The following DICER1 variants were observed in gnomAD, a reference collection of about 807,000 sequenced individuals.
DICER1 encodes the protein endoribonuclease Dicer.
Under a neutral mutation model 194.1 loss-of-function variants are expected in DICER1, and 43 were observed. The ratio of observed to expected loss-of-function variants is 0.22; its 90% confidence interval spans 0.17 to 0.29. The LOEUF is 0.29. Among genes scored for constraint, DICER1 ranks in the 10% least tolerant of loss-of-function variants. DICER1 has a pLI of 1.00. For synonymous variants in DICER1, 832 were observed against 820.5 expected (o/e 1.01, Z -0.24); for missense variants, 1,608 against 2,317.0 (o/e 0.69, Z 6.28).
At chr14:95,098,132 G>A (rs73329757) in intron 22 of DICER1, among the ~76,000 whole-genome samples, 5,065 of 152,258 alleles carry the variant, frequency 0.033, 306 homozygotes, top group African/African-American at 0.12. Context: ...CACAAACTGT[G>A]TGATCCTGGG....
intron 14 of DICER1, among the ~76,000 whole-genome samples, chr14:95,110,136 C>CAAA (rs1439461009): frequency 1.3e-5 from 2 of 152,004 alleles, no homozygotes; most frequent in Admixed American, 1.3e-4. Context: ...CATTTCTGAT[C>CAAA]ACAAAAACAT....
At chr14:95,098,975 T>C (rs1890609725) in intron 22 of DICER1, among the ~76,000 whole-genome samples, 1 of 152,204 alleles carries the variant, frequency 6.6e-6, no homozygotes, top group African/African-American at 2.4e-5. Context: ...TATTTAAAAA[T>C]ATAACCTTTG....
rs762411266 is a variant in DICER1 at position 95,105,703 on chromosome 14, T to C, written c.3068A>G (p.Lys1023Arg). Residue 1023 changes from lysine to arginine, a missense_variant, in exon 19 of 27, where the codon AAA becomes AGA. Lys to Arg is a conservative substitution (Grantham distance 26). Transcript: ENST00000343455. This position sits in a 1 kb window ranked among gnomAD's most constrained non-coding sequence, Gnocchi z 4.9. ...PLSSAEKRKA[K>R]WESLQNKQIL... Reference sequence around the variant, plus strand: ...CTGTTTATTCTGCAGACTTTCCCATTTGGCTTTCCTCTTCTCAGCACTGCT... The same window carrying C: ...CTGTTTATTCTGCAGACTTTCCCATCTGGCTTTCCTCTTCTCAGCACTGCT... 1.2e-6 allele frequency: 2 copies of C among 1,613,826 alleles called. No individual in the cohort carries two copies. Among genetic ancestry groups the C allele is most frequent in the African/African-American group, 1.3e-5 (1 of 75,058 alleles).
At chr14:95,138,948 C>T (rs1008539671) in intron 1 of DICER1, among the ~76,000 whole-genome samples, 4 of 144,202 alleles carry the variant, frequency 2.8e-5, no homozygotes, top group African/African-American at 1.0e-4. Context: ...GCACATGTAC[C>T]CTAAAACTTA....
chr14:95,109,014 A>G (rs1306533062), intron 14 of DICER1, among the ~76,000 whole-genome samples: 1 of 152,204 alleles, frequency 6.6e-6, no homozygotes, highest in Non-Finnish European at 1.5e-5. Flanking sequence ...AAACATATAT[A>G]CATTTATATT....
chr14:95,096,743 G>A (rs2139856552), intron 22 of DICER1, 30 bp from the exon 23 acceptor site: 3 of 1,569,966 alleles, frequency 1.9e-6, no homozygotes, highest in Non-Finnish European at 2.6e-6. Context: ...GGAAGGAGGG[G>A]AAACATAGCT....
At chr14:95,121,751 T>A (rs1566797812) in intron 8 of DICER1, among the ~76,000 whole-genome samples, 1 of 152,196 alleles carries the variant, frequency 6.6e-6, no homozygotes, top group Non-Finnish European at 1.5e-5. Flanking sequence ...AAAGAACATC[T>A]ACTTTCCTCC....
intron 14 of DICER1, among the ~76,000 whole-genome samples, chr14:95,109,882 A>G (rs565748443): frequency 1.3e-3 from 204 of 152,374 alleles, no homozygotes; most frequent in Admixed American, 2.4e-3. Context: ...GACCACATTC[A>G]CATAACTTTT....
At chr14:95,152,828 T>A (rs1316182442) in intron 1 of DICER1, among the ~76,000 whole-genome samples, 1 of 152,186 alleles carries the variant, frequency 6.6e-6, no homozygotes, top group Non-Finnish European at 1.5e-5. Context: ...ACCAGCTACA[T>A]CTCAAAAATA....
Position 95,095,897 on chromosome 14 carries a change from A to G in DICER1, c.5023T>C (p.Tyr1675His), listed in dbSNP as rs1555367518. 8.1e-6 allele frequency: 13 copies of G among 1,614,124 alleles called. No individual in the cohort carries two copies. The highest frequency in any genetic ancestry group is 1.1e-5 in the Non-Finnish European group (13 of 1,179,974). Reference protein sequence around the residue: ...GFENFEKKINYRFKNKAYLLQ... With the variant: ...GFENFEKKINHRFKNKAYLLQ... ...AGGTAAGCCTTATTCTTGAATCTGT[A>G]GTTGATTTTCTTTTCAAAATTTTCA... The change falls in exon 23 of 27, where the codon TAC (tyrosine) becomes CAC (histidine). Residue 1675 changes from tyrosine (Y) to histidine (H), a missense_variant. Tyr to His is a moderately conservative substitution (Grantham distance 83, BLOSUM62 2). Transcript: ENST00000343455.
chr14:95,152,067 T>G (rs551474478), intron 1 of DICER1, among the ~76,000 whole-genome samples: 3 of 152,244 alleles, frequency 2.0e-5, no homozygotes, highest in African/African-American at 7.2e-5. Flanking sequence ...ACAGACCTCA[T>G]TTTCTAATCC....
At chr14:95,122,552 G>A (rs1463138573) in intron 8 of DICER1, among the ~76,000 whole-genome samples, 35 of 152,132 alleles carry the variant, frequency 2.3e-4, no homozygotes, top group Admixed American at 2.3e-3. Context: ...ATGCCCAGGG[G>A]CATTACTATG....
At chr14:95,136,376 T>C (rs192212266) in intron 1 of DICER1, among the ~76,000 whole-genome samples, 14 of 152,206 alleles carry the variant, frequency 9.2e-5, no homozygotes, top group Admixed American at 4.6e-4. Flanking sequence ...ATCCAGTTTC[T>C]TTTTTTCTTT....
At chr14:95,129,384 ACT>A in intron 6 of DICER1, 86 bp downstream of exon 6, 1 of 1,245,718 alleles carries the variant, frequency 8.0e-7, no homozygotes, top group Non-Finnish European at 1.2e-6. Context: ...TTAAATAGGT[ACT>A]CTCTGCAAGG....
chr14:95,116,407 A>G (rs1555372797), intron 10 of DICER1, 46 bp downstream of exon 10: 1 of 1,596,748 alleles, frequency 6.3e-7, no homozygotes, highest in Non-Finnish European at 8.5e-7. Context: ...AGCCACATTA[A>G]TTTTTTTTCC....
intron 1 of DICER1, among the ~76,000 whole-genome samples, chr14:95,150,065 C>G (rs947336812): frequency 1.1e-4 from 16 of 152,222 alleles, no homozygotes; most frequent in African/African-American, 3.4e-4. Context: ...TTAATGCAAA[C>G]TAATCTGACT....
intron 1 of DICER1, among the ~76,000 whole-genome samples, chr14:95,138,986 T>TAAAAAAAAAAAAAAAAAA (rs1289692370): frequency 3.2e-5 from 1 of 31,688 alleles, no homozygotes; most frequent in Admixed American, 2.5e-4. Flanking sequence ...TAAAAATAAA[T>TAAAAAAAAAAAAAAAAAA]AAAAAAATAA....
chr14:95,096,000 A>G lies in DICER1; in HGVS notation c.4920T>C (p.Gly1640=). The G allele has an allele frequency of 6.2e-7, 1 of 1,614,256 alleles. No individual in the cohort carries two copies. Among genetic ancestry groups the G allele is most frequent in the Non-Finnish European group, 8.5e-7 (1 of 1,180,048 alleles). ...RSSVLKDSEY[G]CLKIPPRCMF... is the part of the protein sequence containing the mutation. Reference sequence around the variant, plus strand: ...TACATCTTGGTGGAATCTTCAAACAACCATATTCCGAGTCTTTCAATACAG... The same window carrying G: ...TACATCTTGGTGGAATCTTCAAACAGCCATATTCCGAGTCTTTCAATACAG... The change falls in exon 23 of 27, where the codon GGT becomes GGC. Residue 1640 remains glycine, a synonymous_variant. Transcript: ENST00000343455.
chr14:95,106,297 G>C, intron 17 of DICER1, 74 bp from the exon 18 acceptor site: 1 of 1,131,494 alleles, frequency 8.8e-7, no homozygotes, highest in Non-Finnish European at 1.3e-6. Context: ...ACAACTGTTT[G>C]TAGTATGGAA....
Sources: allele counts gnomAD v4.1 joint callset (sites outside exome capture counted in the v4.1 genomes callset), GRCh38; gene constraint gnomAD v4.1.1; non-coding constraint Gnocchi (gnomAD v3.1); transcripts MANE v1.5; gene names NCBI Gene and HGNC (gene_info 2026-07-23, HGNC 2026-07-21).